The following GRM7 variants were observed in gnomAD, a reference collection of about 807,000 sequenced individuals.
The protein encoded by GRM7 is glutamate metabotropic receptor 7, also known as metabotropic glutamate receptor 7.
GRM7 carries 35 observed loss-of-function variants against 84.5 expected under a neutral mutation model. The observed-to-expected ratio is 0.41, with a 90% CI of 0.32 to 0.55. GRM7 has a LOEUF of 0.55. Among genes scored for constraint, GRM7 ranks in the 20% least tolerant of loss-of-function variants. The probability of loss-of-function intolerance (pLI) is 0.19; values close to 1 mark genes in which losing one functional copy is unlikely to be tolerated. For synonymous variants in GRM7, 487 were observed against 455.1 expected, an observed-to-expected ratio of 1.07 and a Z score of -0.89; for missense variants, 1,003 against 1,194.6, an observed-to-expected ratio of 0.84 and a Z score of 2.36.
chr3:7,519,630 A>C (rs1700518007), intron 7 of GRM7: 1 of 152,218 alleles, frequency 6.6e-6, no homozygotes, highest in Non-Finnish European at 1.5e-5. Flanking sequence ...ATAGATTTAT[A>C]TCATTTTGTG....
At chr3:7,141,335 A>C (rs894512393) in intron 1 of GRM7, among the ~76,000 whole-genome samples, 1 of 152,048 alleles carries the variant, frequency 6.6e-6, no homozygotes, top group African/African-American at 2.4e-5. Context: ...ATTTTGTCTC[A>C]TACATAATGC....
At chr3:7,239,312 T>G (rs948834252) in intron 2 of GRM7, among the ~76,000 whole-genome samples, 9 of 152,126 alleles carry the variant, frequency 5.9e-5, no homozygotes, top group Non-Finnish European at 1.2e-4. Context: ...AACATCCACA[T>G]TTCTAATGCA....
intron 2 of GRM7, among the ~76,000 whole-genome samples, chr3:7,219,131 A>G (rs1343229467): frequency 6.6e-6 from 1 of 152,154 alleles, no homozygotes; most frequent in African/African-American, 2.4e-5. Flanking sequence ...TCATTGTTGC[A>G]TACAGTGTGA....
chr3:7,117,577 G>A (rs1250468289), intron 1 of GRM7, among the ~76,000 whole-genome samples: 1 of 152,132 alleles, frequency 6.6e-6, no homozygotes, highest in South Asian at 2.1e-4. Flanking sequence ...CAGAAGACTT[G>A]CACTTGAGTC....
intron 1 of GRM7, among the ~76,000 whole-genome samples, chr3:6,869,713 G>T (rs456835): frequency 6.6e-6 from 1 of 151,768 alleles, no homozygotes; most frequent in East Asian, 1.9e-4. Flanking sequence ...TTTTAGTGAC[G>T]TTACTCAGTG....
intron 8 of GRM7, among the ~76,000 whole-genome samples, chr3:7,598,021 A>G (rs3804883): frequency 0.33 from 50,665 of 152,010 alleles, 8,968 homozygotes; most frequent in African/African-American, 0.46. Flanking sequence ...TCAGGAAGAC[A>G]AAAGGACCAA....
At chr3:7,443,090 C>G (rs1281910006) in intron 5 of GRM7, among the ~76,000 whole-genome samples, 1 of 152,026 alleles carries the variant, frequency 6.6e-6, no homozygotes, top group Non-Finnish European at 1.5e-5. Flanking sequence ...TCTTCTCCCT[C>G]TTCTGTTTTT....
intron 2 of GRM7, among the ~76,000 whole-genome samples, chr3:7,216,875 A>G (rs949473160): frequency 2.0e-5 from 3 of 152,044 alleles, no homozygotes; most frequent in African/African-American, 7.3e-5. Context: ...CTATGTCAAC[A>G]TGTTTGAGTG....
chr3:7,300,813 G>C (rs1191252340), intron 3 of GRM7, among the ~76,000 whole-genome samples: 1 of 151,388 alleles, frequency 6.6e-6, no homozygotes, highest in African/African-American at 2.4e-5. Context: ...CATTTTTATT[G>C]TTGGATTGTT....
chr3:7,228,838 T>A (rs1697068205), intron 2 of GRM7, among the ~76,000 whole-genome samples: 1 of 152,218 alleles, frequency 6.6e-6, no homozygotes, highest in Non-Finnish European at 1.5e-5. Context: ...ATTTTAGATA[T>A]CTCATATGGG....
At chr3:7,536,063 G>A (rs1252090887) in intron 7 of GRM7, among the ~76,000 whole-genome samples, 3 of 152,160 alleles carry the variant, frequency 2.0e-5, no homozygotes, top group African/African-American at 7.2e-5. Flanking sequence ...AGAATGGTAG[G>A]CATATGTTTG....
intron 8 of GRM7, among the ~76,000 whole-genome samples, chr3:7,611,255 A>G (rs184684524): frequency 6.6e-6 from 1 of 152,328 alleles, no homozygotes; most frequent in East Asian, 1.9e-4. Flanking sequence ...TGCCTGGCCA[A>G]TAGTGAGTGC....
chr3:7,579,685 A>G (rs1301115309), intron 8 of GRM7, among the ~76,000 whole-genome samples: 2 of 151,924 alleles, frequency 1.3e-5, no homozygotes, highest in Admixed American at 6.5e-5. Context: ...TTCTCCACTT[A>G]CCCACATATT....
chr3:7,109,231 G>A (rs73115095), intron 1 of GRM7, among the ~76,000 whole-genome samples: 2,738 of 152,134 alleles, frequency 0.018, 70 homozygotes, highest in African/African-American at 0.063. Context: ...ATGAAAGGTT[G>A]AATTCAAGGA....
chr3:7,398,123 T>C (rs1695290715), intron 4 of GRM7, among the ~76,000 whole-genome samples: 1 of 152,188 alleles, frequency 6.6e-6, no homozygotes, highest in South Asian at 2.1e-4. Flanking sequence ...AATGACTGCA[T>C]AGTCAGAATT....
Position 7,485,423 on chromosome 3 carries a change from A to G in GRM7, c.1515+23701A>G, listed in dbSNP as rs1699284347. The stretch of plus-strand genomic sequence containing the variant: ...GATTCATCAAGTTGGAGAAGTATGC[A>G]GTGTAAATAGGTTGAGGGACCTCAT... On this transcript the variant is annotated intron_variant, in intron 7 of 9. Coordinates refer to ENST00000357716, the MANE Select transcript of GRM7 (RefSeq NM_000844.4). Among the ~76,000 whole-genome samples, 2 of 152,260 alleles carry G rather than the reference A, an allele frequency of 1.3e-5. 1 individual carries two copies. The highest frequency in any genetic ancestry group is 4.1e-4 in the South Asian group (2 of 4,834).
chr3:7,176,699 G>A (rs1695163048), intron 2 of GRM7, among the ~76,000 whole-genome samples: 1 of 152,016 alleles, frequency 6.6e-6, no homozygotes, highest in Non-Finnish European at 1.5e-5. Flanking sequence ...TCTCTTCCTT[G>A]TCTCTTAGAA....
intron 8 of GRM7, among the ~76,000 whole-genome samples, chr3:7,606,329 T>G (rs1165766944): frequency 2.0e-5 from 3 of 152,114 alleles, no homozygotes; most frequent in African/African-American, 4.8e-5. Context: ...TCAAAGATAG[T>G]TTTAGGTGTA....
chr3:7,509,893 G>T (rs1700146954), intron 7 of GRM7, among the ~76,000 whole-genome samples: 1 of 152,200 alleles, frequency 6.6e-6, no homozygotes, highest in South Asian at 2.1e-4. Context: ...GGCTTGAAAA[G>T]TAAGAACTCT....
Sources: allele counts gnomAD v4.1 joint callset (sites outside exome capture counted in the v4.1 genomes callset), GRCh38; gene constraint gnomAD v4.1.1; transcripts MANE v1.5; gene names NCBI Gene and HGNC (gene_info 2026-07-23, HGNC 2026-07-21).